The following FRY variants were observed in gnomAD, a reference collection of about 807,000 sequenced individuals.
The protein encoded by FRY is FRY microtubule binding protein, also known as protein furry homolog.
In FRY, 128 loss-of-function variants were observed where a neutral mutation model predicts 348.4. The observed-to-expected ratio is 0.37, with a 90% CI of 0.32 to 0.43. FRY has a LOEUF of 0.43. FRY is among the 20% of genes least tolerant of loss of function. The pLI, the probability that FRY is intolerant of heterozygous loss-of-function variation, is 1.00. For missense variants in FRY, 2,736 were observed against 3,695.2 expected (o/e 0.74, Z 6.73); for synonymous variants, 1,370 against 1,374.7 (o/e 1.00, Z 0.08).
rs768682879 is a variant in FRY, at chr13:32,224,243, A to G, written c.4774A>G (p.Ile1592Val). ...TCTTTCTCACCCTCCAGATGATCCA[A>G]TTTCTCCCTACACGGGCTGGTTGCT... is the stretch of plus-strand genomic sequence containing the variant. ...GSYDEDKNDP[I>V]SPYTGWLLTI... The change falls in exon 37 of 61, where the codon ATT becomes GTT. Residue 1592 changes from isoleucine (I) to valine (V), a missense_variant. Physicochemically the swap from Ile to Val is conservative, Grantham distance 29. Around this residue, in one of 9 missense-constraint regions of FRY, gnomAD observed 794 missense variants for 977.0 expected, o/e 0.81. Transcript: ENST00000542859. 4.7e-5 allele frequency: 76 copies of G among 1,613,646 alleles called. 1 individual carries two copies. Among genetic ancestry groups the G allele is most frequent in the Non-Finnish European group, 5.5e-5 (65 of 1,179,862 alleles).
At position 32,124,821 on chromosome 13, in the gene FRY, T is replaced by C. The variant is rs1171795802; in HGVS notation, c.662T>C (p.Met221Thr). The change falls in exon 7 of 61, where the codon ATG (methionine) becomes ACG (threonine). Residue 221 changes from methionine (M) to threonine (T), a missense_variant. Physicochemically the swap from Met to Thr is moderately conservative, Grantham distance 81. Transcript: ENST00000542859. ...EGYLGPNTGN[M>T]HIVADLYAEV... ...TACCTTGGTCCCAACACTGGCAATA[T>C]GCATATTGTGGCAGACCTGTATGCA... 6 of 1,613,120 alleles carry C rather than the reference T, an allele frequency of 3.7e-6. No homozygotes were observed. Among genetic ancestry groups the C allele is most frequent in the Non-Finnish European group, 5.1e-6 (6 of 1,179,134 alleles).
At chr13:32,142,876 C>T (rs939449352) in intron 11 of FRY, among the ~76,000 whole-genome samples, 2 of 152,194 alleles carry the variant, frequency 1.3e-5, no homozygotes, top group African/African-American at 4.8e-5. Context: ...TGGTAGGAAA[C>T]ATTCAAGTAA....
chr13:32,042,119 G>A (rs1872774271), intron 1 of FRY, among the ~76,000 whole-genome samples: 1 of 151,912 alleles, frequency 6.6e-6, no homozygotes, highest in African/African-American at 2.4e-5. Flanking sequence ...GAAGAGGAGT[G>A]GACATTTAAA....
At chr13:32,202,209 A>G in intron 30 of FRY, 147 bp from the exon 31 acceptor site, 1 of 773,448 alleles carries the variant, frequency 1.3e-6, no homozygotes, top group Non-Finnish European at 2.2e-6. Flanking sequence ...TAAACATACT[A>G]ATTAAACTGA....
Position 32,179,763 on chromosome 13 carries a change from T to C in FRY, c.2960T>C (p.Val987Ala). The C allele has an allele frequency of 6.2e-7, 1 of 1,613,696 alleles. No homozygotes were observed. Among genetic ancestry groups the C allele is most frequent in the South Asian group, 1.1e-5 (1 of 91,072 alleles). ...LESIEITESL[V>A]LGFGRTNSLV... The stretch of plus-strand genomic sequence containing the variant: ...AGCATTGAGATCACAGAGTCCTTAG[T>C]TTTAGGATTTGGAAGAACAAATTCC... Residue 987 changes from valine to alanine, a missense_variant, in exon 23 of 61, where the codon GTT becomes GCT. By Grantham distance (64) the Val-to-Ala change is moderately conservative. This residue lies in a region of FRY where 449 missense variants were observed against 576.9 expected (regional missense o/e 0.78). Coordinates refer to ENST00000542859, the MANE Select transcript of FRY (RefSeq NM_023037.3).
intron 31 of FRY, among the ~76,000 whole-genome samples, chr13:32,208,495 C>T (rs1884487357): frequency 6.6e-6 from 1 of 152,216 alleles, no homozygotes; most frequent in Non-Finnish European, 1.5e-5. Context: ...AGTCACATGC[C>T]ACTAGTATGT....
At chr13:32,043,437 G>A (rs1358021854) in intron 1 of FRY, among the ~76,000 whole-genome samples, 7 of 152,176 alleles carry the variant, frequency 4.6e-5, no homozygotes, top group African/African-American at 7.2e-5. Context: ...GTCAAGAGCC[G>A]CATGAAGTGC....
In FRY at chr13:32,296,339, T is replaced by C. The variant is rs2072062080; in HGVS notation, c.*879T>C. 1 of 152,626 alleles carries C rather than the reference T, an allele frequency of 6.6e-6. No individual in the cohort carries two copies. The allele number at this position is 152,626 out of a possible 1,614,324, so 9.5% of individuals were successfully genotyped here. ...CAGGCATGCATATTTTAATATCTGTTTGGATAGTCAGAAGTAGAATCATAA... is the reference window on the plus strand; with the variant it reads ...CAGGCATGCATATTTTAATATCTGTCTGGATAGTCAGAAGTAGAATCATAA... On this transcript the variant is annotated 3_prime_UTR_variant, in exon 61 of 61. Coordinates refer to ENST00000542859, the MANE Select transcript of FRY (RefSeq NM_023037.3).
chr13:32,239,167 A>G lies in FRY; in HGVS notation c.6419-85A>G, dbSNP rs1886375135. 1.1e-6 allele frequency: 1 copy of G among 875,786 alleles called. No homozygotes were observed. The highest frequency in any genetic ancestry group is 1.9e-6 in the Non-Finnish European group (1 of 513,724). The allele number at this position is 875,786 out of a possible 1,614,324, so 54.3% of individuals were successfully genotyped here. A position where few individuals can be genotyped will look rare whatever the true frequency, so the allele number is the denominator to read the frequency against. On this transcript the variant is annotated intron_variant, in intron 44 of 60. Transcript: ENST00000542859. The surrounding 1 kb of genome is among the most constrained non-coding windows in gnomAD (Gnocchi z 4.3). ...AAAACTGCTTTTGCATCACCTCAGT[A>G]TAAAAATCTGTAACATGCCTTCCCA...
At chr13:32,285,394 C>T (rs940401855) in intron 58 of FRY, among the ~76,000 whole-genome samples, 1 of 152,152 alleles carries the variant, frequency 6.6e-6, no homozygotes. Flanking sequence ...GAAGCCTGAA[C>T]TAGCCTACCT....
intron 55 of FRY, among the ~76,000 whole-genome samples, chr13:32,268,034 C>T (rs896372873): frequency 1.3e-5 from 2 of 152,138 alleles, no homozygotes; most frequent in Non-Finnish European, 2.9e-5. Context: ...AGTACCACAC[C>T]TAGCCAGCAG....
intron 32 of FRY, 56 bp downstream of exon 32, chr13:32,209,165 C>T (rs1593743735): frequency 1.2e-6 from 2 of 1,602,306 alleles, no homozygotes; most frequent in East Asian, 2.2e-5. Flanking sequence ...AGAAAAAAAC[C>T]CTGGGTTAGT....
chr13:32,145,128 A>G (rs958493838), intron 11 of FRY, among the ~76,000 whole-genome samples: 24 of 152,318 alleles, frequency 1.6e-4, no homozygotes, highest in African/African-American at 5.5e-4. Flanking sequence ...GCGGGAGAGT[A>G]ACAGGATGGG....
At chr13:32,109,165 A>G (rs1423105288) in intron 3 of FRY, among the ~76,000 whole-genome samples, 1 of 152,238 alleles carries the variant, frequency 6.6e-6, no homozygotes, top group Non-Finnish European at 1.5e-5. Context: ...AAGGATAAAC[A>G]TTGGTTGAGA....
intron 14 of FRY, among the ~76,000 whole-genome samples, chr13:32,153,793 C>G (rs574084218): frequency 8.1e-4 from 123 of 152,188 alleles, no homozygotes; most frequent in South Asian, 4.1e-3. Context: ...CACAATAGCC[C>G]TATATGATTG....
chr13:32,260,480 T>C (rs4941521), intron 51 of FRY, among the ~76,000 whole-genome samples: 42,555 of 152,156 alleles, frequency 0.28, 6,291 homozygotes, highest in Non-Finnish European at 0.31. Flanking sequence ...ATTTATTAAC[T>C]GATGGTTTGT....
chr13:32,186,116 C>A (rs1593711941), intron 26 of FRY, 144 bp from the exon 27 acceptor site: 1 of 703,894 alleles, frequency 1.4e-6, no homozygotes, highest in Non-Finnish European at 2.5e-6. Flanking sequence ...TGTGGCTTGA[C>A]TTTTTAAGTG....
At chr13:32,268,501 A>ATATAT (rs56926515) in intron 55 of FRY, among the ~76,000 whole-genome samples, 6 of 17,052 alleles carry the variant, frequency 3.5e-4, no homozygotes, top group Non-Finnish European at 4.4e-4. Flanking sequence ...AAAAAAAAAA[A>ATATAT]AAAAATATAT....
chr13:32,175,810 A>G (rs1882325064), intron 20 of FRY, among the ~76,000 whole-genome samples, 178 bp downstream of exon 20: 2 of 152,212 alleles, frequency 1.3e-5, no homozygotes, highest in Non-Finnish European at 2.9e-5. Context: ...ACATTCAGAT[A>G]AATTTCACAC....
Sources: allele counts gnomAD v4.1 joint callset (sites outside exome capture counted in the v4.1 genomes callset), GRCh38; gene constraint gnomAD v4.1.1; regional missense constraint gnomAD v4.1.1; non-coding constraint Gnocchi (gnomAD v3.1); transcripts MANE v1.5; gene names NCBI Gene and HGNC (gene_info 2026-07-23, HGNC 2026-07-21).